Variants in PNPLA8 observed in about 807,000 individuals in gnomAD.
The protein encoded by PNPLA8 is calcium-independent phospholipase A2-gamma.
Under a neutral mutation model 76.9 loss-of-function variants are expected in PNPLA8, and 39 were observed. The observed-to-expected ratio is 0.51, with a 90% CI of 0.39 to 0.66. The LOEUF is 0.66. Ranked by LOEUF, PNPLA8 falls within the 30% of genes least tolerant of loss-of-function variation. The pLI, the probability that PNPLA8 is intolerant of heterozygous loss-of-function variation, is 0.00. For synonymous variants in PNPLA8, 301 were observed against 307.9 expected, an observed-to-expected ratio of 0.98 and a Z score of 0.24; for missense variants, 887 against 918.0, an observed-to-expected ratio of 0.97 and a Z score of 0.44.
At chr7:108,494,557 C>T (rs1230099831) in intron 7 of PNPLA8, among the ~76,000 whole-genome samples, 2 of 152,148 alleles carry the variant, frequency 1.3e-5, no homozygotes, top group Non-Finnish European at 2.9e-5. Flanking sequence ...TTTATAACTG[C>T]ATAGTATTCC....
Position 108,475,841 on chromosome 7 carries a change from C to T in PNPLA8, c.2075-3166G>A, listed in dbSNP as rs143885610. Among the ~76,000 whole-genome samples, 1,062 of 152,288 alleles carry T rather than the reference C, an allele frequency of 7.0e-3. 6 individuals carry two copies. The highest frequency in any genetic ancestry group is 0.011 in the South Asian group (54 of 4,824). On this transcript the variant is annotated intron_variant, in intron 10 of 10. Coordinates refer to ENST00000257694, the MANE Select transcript of PNPLA8 (RefSeq NM_001256007.3). ...ATCGCTGTCCTATGTTACCTGTTTT[C>T]TCATGTCTGAAAATCATTGTTTTGT...
intron 9 of PNPLA8, among the ~76,000 whole-genome samples, chr7:108,481,518 T>C (rs889096608): frequency 1.3e-5 from 2 of 152,214 alleles, no homozygotes; most frequent in African/African-American, 4.8e-5. Flanking sequence ...TGCTGAAGTG[T>C]CTGTTCAAGT....
intron 5 of PNPLA8, among the ~76,000 whole-genome samples, chr7:108,501,964 A>C (rs1009745854): frequency 6.6e-6 from 1 of 152,202 alleles, no homozygotes. Context: ...AAATCAAATC[A>C]AATCAAATAC....
chr7:108,505,323 TATATATATATATATATATATATATA>T (rs1563967410), intron 4 of PNPLA8, among the ~76,000 whole-genome samples: 55 of 4,296 alleles, frequency 0.013, 2 homozygotes, highest in East Asian at 0.018. Flanking sequence ...TATATATATA[TATATATATATATATATATATATATA>T]TATATTTTTT....
At chr7:108,504,368 A>G (rs1862185194) in intron 4 of PNPLA8, among the ~76,000 whole-genome samples, 1 of 152,234 alleles carries the variant, frequency 6.6e-6, no homozygotes, top group Non-Finnish European at 1.5e-5. Flanking sequence ...ACAAAATAAA[A>G]TTATCAAAAT....
chr7:108,520,277 T>G (rs914023700), intron 2 of PNPLA8, among the ~76,000 whole-genome samples: 1 of 152,144 alleles, frequency 6.6e-6, no homozygotes, highest in Non-Finnish European at 1.5e-5. Context: ...CAAGTTAACA[T>G]AAAAGCTCTG....
intron 2 of PNPLA8, among the ~76,000 whole-genome samples, chr7:108,516,750 A>C (rs1863373054): frequency 6.6e-6 from 1 of 152,058 alleles, no homozygotes; most frequent in South Asian, 2.1e-4. Flanking sequence ...AAAATACAAA[A>C]AATTAGCTAG....
chr7:108,507,082 C>A (rs1485647547), intron 4 of PNPLA8, among the ~76,000 whole-genome samples: 1 of 152,074 alleles, frequency 6.6e-6, no homozygotes, highest in Non-Finnish European at 1.5e-5. Context: ...GTGGCTCACG[C>A]CTGTAATCCC....
At chr7:108,487,029 A>G (rs1194381365) in intron 9 of PNPLA8, among the ~76,000 whole-genome samples, 1 of 152,200 alleles carries the variant, frequency 6.6e-6, no homozygotes, top group Non-Finnish European at 1.5e-5. Flanking sequence ...CATTTAGTGT[A>G]AGTTATGAAT....
chr7:108,491,372 T>C (rs190468666), intron 8 of PNPLA8, 38 bp downstream of exon 8: 4 of 1,263,406 alleles, frequency 3.2e-6, no homozygotes, highest in African/African-American at 1.5e-5. Flanking sequence ...GACCTTCAGA[T>C]GGAACTAGGT....
At chr7:108,473,955 G>A (rs932119652) in intron 10 of PNPLA8, among the ~76,000 whole-genome samples, 2 of 152,002 alleles carry the variant, frequency 1.3e-5, no homozygotes, top group African/African-American at 2.4e-5. Context: ...TCCACCCAAA[G>A]TGCTGGGATT....
intron 2 of PNPLA8, among the ~76,000 whole-genome samples, chr7:108,518,508 G>C (rs1235501460): frequency 6.6e-6 from 1 of 151,902 alleles, no homozygotes; most frequent in Non-Finnish European, 1.5e-5. Context: ...GAACTTGGGG[G>C]ACTGCGTGTG....
chr7:108,516,959 G>A (rs1054271697), intron 2 of PNPLA8, among the ~76,000 whole-genome samples: 3 of 151,382 alleles, frequency 2.0e-5, no homozygotes, highest in Non-Finnish European at 4.4e-5. Context: ...TCAATGTCAA[G>A]AGAATAAGAC....
chr7:108,524,599 C>T (rs1279659397), intron 1 of PNPLA8, among the ~76,000 whole-genome samples: 1 of 152,064 alleles, frequency 6.6e-6, no homozygotes, highest in Admixed American at 6.6e-5. Context: ...CCGAGGCGGG[C>T]GGATCACCTG....
chr7:108,528,000 C>T (rs1864149885), upstream of PNPLA8: 1 of 152,226 alleles, frequency 6.6e-6, no homozygotes, highest in African/African-American at 2.4e-5. Context: ...CAAATAACGC[C>T]CAATTCCTGC....
chr7:108,480,261 A>G (rs1860302291), intron 9 of PNPLA8, among the ~76,000 whole-genome samples: 1 of 152,090 alleles, frequency 6.6e-6, no homozygotes. Flanking sequence ...CCAGCTATTC[A>G]GGAGGCTGAG....
intron 10 of PNPLA8, among the ~76,000 whole-genome samples, chr7:108,474,266 A>T (rs546004053): frequency 2.0e-4 from 31 of 152,234 alleles, no homozygotes; most frequent in Non-Finnish European, 4.0e-4. Context: ...TCTCCAGCAT[A>T]TTCTTCTATA....
At chr7:108,497,304 C>T (rs189770019) in intron 6 of PNPLA8, among the ~76,000 whole-genome samples, 179 bp downstream of exon 6, 9 of 152,248 alleles carry the variant, frequency 5.9e-5, no homozygotes, top group Admixed American at 5.2e-4. Context: ...GGACACACTG[C>T]CACCTAGTGT....
chr7:108,486,187 T>C (rs1389934214), intron 9 of PNPLA8, among the ~76,000 whole-genome samples: 1 of 152,074 alleles, frequency 6.6e-6, no homozygotes, highest in Non-Finnish European at 1.5e-5. Context: ...ATAACTTCTT[T>C]TGAAGTGTGG....
Sources: allele counts gnomAD v4.1 joint callset (sites outside exome capture counted in the v4.1 genomes callset), GRCh38; gene constraint gnomAD v4.1.1; transcripts MANE v1.5; gene names NCBI Gene and HGNC (gene_info 2026-07-23, HGNC 2026-07-21).